The following KSR2 variants were observed in gnomAD, a reference collection of about 807,000 sequenced individuals.
The protein encoded by KSR2 is kinase suppressor of ras 2.
In KSR2, 25 loss-of-function variants were observed where a neutral mutation model predicts 107.8. The observed-to-expected ratio is 0.23, with a 90% CI of 0.17 to 0.32. The LOEUF is 0.32. KSR2 is among the 10% of genes least tolerant of loss of function. KSR2 has a pLI of 1.00. For missense variants in KSR2, 887 were observed against 1,268.9 expected (o/e 0.70, Z 4.57); for synonymous variants, 480 against 507.0 (o/e 0.95, Z 0.71).
chr12:117,645,795 T>G (rs990710433), intron 5 of KSR2, among the ~76,000 whole-genome samples: 1 of 152,038 alleles, frequency 6.6e-6, no homozygotes, highest in Non-Finnish European at 1.5e-5. Context: ...ACCACTCTGC[T>G]TGAACTCTTC....
chr12:117,870,352 A>G (rs183953814), intron 1 of KSR2, among the ~76,000 whole-genome samples: 8 of 152,188 alleles, frequency 5.3e-5, no homozygotes, highest in Admixed American at 3.9e-4. Context: ...TTTAATCTCA[A>G]CACTTTAGGA....
intron 4 of KSR2, among the ~76,000 whole-genome samples, chr12:117,708,686 C>G (rs1179308672): frequency 1.3e-5 from 2 of 152,164 alleles, no homozygotes; most frequent in Non-Finnish European, 2.9e-5. Context: ...CTTCCAGGAG[C>G]CGCCCACATC....
At chr12:117,481,366 T>A (rs979249632) in intron 16 of KSR2, among the ~76,000 whole-genome samples, 11 of 152,150 alleles carry the variant, frequency 7.2e-5, no homozygotes, top group African/African-American at 2.4e-4. Flanking sequence ...TTAAATGAGA[T>A]TGTAAGTTCG....
intron 1 of KSR2, among the ~76,000 whole-genome samples, chr12:117,888,606 C>T (rs1022954130): frequency 6.6e-6 from 1 of 152,190 alleles, no homozygotes; most frequent in Non-Finnish European, 1.5e-5. Context: ...CCAGAACTTT[C>T]TCTCCACCAT....
rs547008677 is a variant in KSR2, at chr12:117,524,106, C to T, written c.2219+746G>A. Among the ~76,000 whole-genome samples, 5 of 152,246 alleles carry T rather than the reference C, an allele frequency of 3.3e-5. No individual in the cohort carries two copies. In the South Asian group the frequency reaches 6.2e-4, roughly 19 times the overall value. On this transcript the variant is annotated intron_variant, in intron 14 of 19. Transcript: ENST00000339824. ...ATTTCATTTGCAGATTGTCTATAGC[C>T]GCTTTCAGACTACAGTGGTTGAGTA...
At chr12:117,609,524 A>T (rs1881474193) in intron 5 of KSR2, among the ~76,000 whole-genome samples, 1 of 152,242 alleles carries the variant, frequency 6.6e-6, no homozygotes, top group Non-Finnish European at 1.5e-5. Flanking sequence ...AAAAATTTTT[A>T]AAAGAATCAT....
At chr12:117,588,777 T>C (rs915758145) in intron 5 of KSR2, among the ~76,000 whole-genome samples, 3 of 152,206 alleles carry the variant, frequency 2.0e-5, no homozygotes, top group African/African-American at 2.4e-5. Flanking sequence ...TGTGTGTCTT[T>C]GGGCAAGTGA....
At chr12:117,964,234 G>A (rs1279508426) in intron 1 of KSR2, among the ~76,000 whole-genome samples, 2 of 152,166 alleles carry the variant, frequency 1.3e-5, no homozygotes, top group Non-Finnish European at 2.9e-5. Flanking sequence ...TTGCGCCACT[G>A]CACTCCAGCC....
chr12:117,864,335 G>T (rs1356374850), intron 1 of KSR2, among the ~76,000 whole-genome samples: 1 of 152,176 alleles, frequency 6.6e-6, no homozygotes, highest in African/African-American at 2.4e-5. Flanking sequence ...GATAGGAAAA[G>T]CTAGACTAAA....
chr12:117,758,895 C>A (rs1167602255), intron 4 of KSR2, among the ~76,000 whole-genome samples: 3 of 152,108 alleles, frequency 2.0e-5, no homozygotes, highest in South Asian at 2.1e-4. Context: ...CAACCAAACC[C>A]CAAATGCCTC....
At chr12:117,684,311 G>C (rs1885482764) in intron 4 of KSR2, among the ~76,000 whole-genome samples, 1 of 152,168 alleles carries the variant, frequency 6.6e-6, no homozygotes, top group Non-Finnish European at 1.5e-5. Flanking sequence ...GGGAAGGCAG[G>C]GGTTGTGTTT....
At chr12:117,566,237 A>G (rs1225497202) in intron 7 of KSR2, among the ~76,000 whole-genome samples, 1 of 152,146 alleles carries the variant, frequency 6.6e-6, no homozygotes, top group African/African-American at 2.4e-5. Context: ...CTCCTGCCTC[A>G]GCCTCCTGAG....
chr12:117,517,734 A>T, intron 14 of KSR2: 1 of 429,180 alleles, frequency 2.3e-6, no homozygotes, highest in Admixed American at 2.8e-5. Context: ...TATAAAGGGA[A>T]AGCGATTCAG....
At position 117,912,279 on chromosome 12, in the gene KSR2, T is replaced by C. The variant is rs141982109; in HGVS notation, c.181-51848A>G. 6.9e-3 allele frequency among the ~76,000 whole-genome samples: 1,052 copies of C among 152,324 alleles called. 10 individuals carry two copies. Among genetic ancestry groups the C allele is most frequent in the African/African-American group, 0.024 (979 of 41,564 alleles). Reference sequence around the variant, plus strand: ...AATGGGAAAAGCTACTTCACTGGTATTTAGCTACTTGGATCTCTGACCCTG... The same window carrying C: ...AATGGGAAAAGCTACTTCACTGGTACTTAGCTACTTGGATCTCTGACCCTG... On this transcript the variant is annotated intron_variant, in intron 1 of 19. Transcript: ENST00000339824.
intron 5 of KSR2, among the ~76,000 whole-genome samples, chr12:117,627,095 T>A (rs1882563329): frequency 6.6e-6 from 1 of 152,158 alleles, no homozygotes; most frequent in African/African-American, 2.4e-5. Context: ...TATGTGCGTC[T>A]TTACACGTGA....
rs1010622911 is a variant in KSR2, at chr12:117,461,487, C to T, written c.*5712G>A. 1.3e-5 allele frequency: 2 copies of T among 152,276 alleles called. No homozygotes were observed. The highest frequency in any genetic ancestry group is 3.8e-4 in the East Asian group (2 of 5,200). The allele number at this position is 152,276 out of a possible 1,614,324, so 9.4% of individuals were successfully genotyped here. On this transcript the variant is annotated 3_prime_UTR_variant, in exon 20 of 20. Coordinates refer to ENST00000339824, the MANE Select transcript of KSR2 (RefSeq NM_173598.6). ...TACTATGTGCCAGGCACTACTAAGA[C>T]AAGTCCAGGAGGTCACTGGGACCGC...
At chr12:117,471,447 A>G (rs1871453113) in intron 17 of KSR2, 127 bp from the exon 18 acceptor site, 2 of 998,884 alleles carry the variant, frequency 2.0e-6, no homozygotes, top group African/African-American at 1.6e-5. Flanking sequence ...TTTCTTCCTC[A>G]TGGGGTTGGT....
chr12:117,454,757 G>C lies in KSR2; in HGVS notation c.*12442C>G, dbSNP rs941886536. 6.6e-6 allele frequency: 1 copy of C among 152,256 alleles called. No homozygotes were observed. The highest frequency in any genetic ancestry group is 2.4e-5 in the African/African-American group (1 of 41,448). 9.4% of individuals were successfully genotyped at this position (152,256 alleles called of 1,614,324 possible). A position where few individuals can be genotyped will look rare whatever the true frequency, so the allele number is the denominator to read the frequency against. On this transcript the variant is annotated 3_prime_UTR_variant, in exon 20 of 20. Coordinates refer to ENST00000339824, the MANE Select transcript of KSR2 (RefSeq NM_173598.6). ...AGAGTGATATGAACTGTCCCAGAAA[G>C]AGGTTTTTTGCTGAAGAAGGTTTTT... is the stretch of plus-strand genomic sequence containing the variant.
At chr12:117,860,921 G>A (rs977021787) in intron 1 of KSR2, among the ~76,000 whole-genome samples, 3 of 152,030 alleles carry the variant, frequency 2.0e-5, no homozygotes, top group East Asian at 1.9e-4. Context: ...GTTTTACCAC[G>A]TTGGCCAGGC....
Sources: gnomAD v4.1 joint callset for allele counts (sites outside exome capture counted in the v4.1 genomes callset) on GRCh38, gnomAD v4.1.1 for gene constraint, MANE v1.5 for transcripts, NCBI Gene and HGNC (gene_info 2026-07-23, HGNC 2026-07-21) for gene names.